PCSK2: variants seen among roughly 807,000 people sequenced by gnomAD.
PCSK2 encodes the protein neuroendocrine convertase 2.
In PCSK2, 14 loss-of-function variants were observed where a neutral mutation model predicts 69.7. That is an observed-to-expected ratio of 0.20 (90% CI 0.13 to 0.31). The LOEUF (loss-of-function observed/expected upper bound fraction) is 0.31. Ranked by LOEUF, PCSK2 falls within the 10% of genes least tolerant of loss-of-function variation. The probability of loss-of-function intolerance (pLI) is 1.00; values close to 1 mark genes in which losing one functional copy is unlikely to be tolerated. For synonymous variants in PCSK2, 307 were observed against 320.7 expected (o/e 0.96, Z 0.46); for missense variants, 544 against 842.5 (o/e 0.65, Z 4.39).
chr20:17,460,733 C>T (rs1052176408), intron 10 of PCSK2, among the ~76,000 whole-genome samples: 21 of 152,094 alleles, frequency 1.4e-4, no homozygotes, highest in Non-Finnish European at 2.4e-4. Context: ...AGCTGAAAAA[C>T]GTTCATTTAC....
chr20:17,326,880 G>A (rs529605356), intron 2 of PCSK2, among the ~76,000 whole-genome samples: 6 of 152,246 alleles, frequency 3.9e-5, no homozygotes, highest in Admixed American at 2.6e-4. Flanking sequence ...TCTTCAATCC[G>A]GGGGAGGCCA....
At chr20:17,264,359 T>C (rs2123007631) in intron 2 of PCSK2, among the ~76,000 whole-genome samples, 1 of 152,354 alleles carries the variant, frequency 6.6e-6, no homozygotes, top group Middle Eastern at 3.4e-3. Context: ...TAAACATGTT[T>C]CAGTTTTACA....
At chr20:17,460,843 C>A (rs1157460564) in intron 10 of PCSK2, among the ~76,000 whole-genome samples, 1 of 152,110 alleles carries the variant, frequency 6.6e-6, no homozygotes, top group Non-Finnish European at 1.5e-5. Context: ...ATAATAAAGT[C>A]TTTTTATTCA....
chr20:17,348,894 A>C (rs778190123), intron 2 of PCSK2, among the ~76,000 whole-genome samples: 41 of 152,180 alleles, frequency 2.7e-4, no homozygotes, highest in Non-Finnish European at 5.0e-4. Flanking sequence ...TAAGGACTTC[A>C]ACATTTGAAC....
chr20:17,237,339 C>G (rs1986381337), intron 1 of PCSK2, among the ~76,000 whole-genome samples: 1 of 152,152 alleles, frequency 6.6e-6, no homozygotes, highest in Non-Finnish European at 1.5e-5. Context: ...AGGATTTGTT[C>G]ACATACACCT....
chr20:17,326,059 C>G lies in PCSK2; in HGVS notation c.283-32268C>G, dbSNP rs144581237. ...CCTAAGCTTAGTCATGGCCCACTATCTCTTCTGCCCCCATGCCATTAGCCA... is the reference window on the plus strand; with the variant it reads ...CCTAAGCTTAGTCATGGCCCACTATGTCTTCTGCCCCCATGCCATTAGCCA... On this transcript the variant is annotated intron_variant, in intron 2 of 11. Coordinates refer to ENST00000262545, the MANE Select transcript of PCSK2 (RefSeq NM_002594.5). Among the ~76,000 whole-genome samples, 330 of 152,390 alleles carry G rather than the reference C, an allele frequency of 2.2e-3. 3 individuals carry two copies. Among genetic ancestry groups the G allele is most frequent in the African/African-American group, 7.6e-3 (318 of 41,592 alleles).
intron 5 of PCSK2, among the ~76,000 whole-genome samples, chr20:17,372,174 T>C (rs945104937): frequency 2.0e-5 from 3 of 152,134 alleles, no homozygotes; most frequent in Admixed American, 1.3e-4. Context: ...GGTCAGGAGA[T>C]TGAGACCATA....
At chr20:17,427,901 G>A (rs1487156749) in intron 6 of PCSK2, among the ~76,000 whole-genome samples, 2 of 152,302 alleles carry the variant, frequency 1.3e-5, no homozygotes, top group East Asian at 3.9e-4. Flanking sequence ...AAGCAGAAAA[G>A]CCACATGGTC....
intron 2 of PCSK2, among the ~76,000 whole-genome samples, chr20:17,263,580 T>C (rs866878579): frequency 6.6e-6 from 1 of 152,264 alleles, no homozygotes; most frequent in African/African-American, 2.4e-5. Flanking sequence ...TCTCATTTTA[T>C]ATTTTCCTCC....
intron 2 of PCSK2, among the ~76,000 whole-genome samples, chr20:17,280,031 C>G (rs1988247174): frequency 6.7e-6 from 1 of 148,850 alleles, no homozygotes; most frequent in African/African-American, 2.5e-5. Context: ...AAGCTTATAT[C>G]CTCCGCAGAA....
chr20:17,311,381 T>G (rs1035010065), intron 2 of PCSK2, among the ~76,000 whole-genome samples: 3 of 152,140 alleles, frequency 2.0e-5, no homozygotes, highest in African/African-American at 7.2e-5. Context: ...ATGAATATAT[T>G]TCTTTAAAAA....
intron 5 of PCSK2, among the ~76,000 whole-genome samples, chr20:17,402,019 T>C (rs1316442888): frequency 2.6e-5 from 4 of 152,172 alleles, no homozygotes; most frequent in Non-Finnish European, 2.9e-5. Context: ...TCTAGCCTAA[T>C]ACATGCTTCA....
At chr20:17,290,230 C>T (rs1332441504) in intron 2 of PCSK2, among the ~76,000 whole-genome samples, 1 of 152,166 alleles carries the variant, frequency 6.6e-6, no homozygotes, top group East Asian at 1.9e-4. Context: ...CACTGCCTGG[C>T]ACACAGTAGG....
In PCSK2 at chr20:17,438,908, T is replaced by C. The variant is rs796687440; in HGVS notation, c.885+2025T>C. Among the ~76,000 whole-genome samples the C allele has an allele frequency of 3.3e-5, 5 of 152,168 alleles. No homozygotes were observed. In the East Asian group the frequency reaches 7.7e-4, roughly 23 times the overall value. ...TACATAGTTTTGGAGTTCCTTCCCC[T>C]CTGTATCTTACTTCACTTCCTTGCT... On this transcript the variant is annotated intron_variant, in intron 8 of 11. Coordinates refer to ENST00000262545, the MANE Select transcript of PCSK2 (RefSeq NM_002594.5).
chr20:17,265,604 G>T (rs1987567748), intron 2 of PCSK2, among the ~76,000 whole-genome samples: 1 of 152,084 alleles, frequency 6.6e-6, no homozygotes, highest in Non-Finnish European at 1.5e-5. Flanking sequence ...ATTCTACAGG[G>T]CATTTGTGGC....
intron 2 of PCSK2, among the ~76,000 whole-genome samples, chr20:17,334,157 G>A (rs1342674999): frequency 6.6e-6 from 1 of 151,824 alleles, no homozygotes; most frequent in African/African-American, 2.4e-5. Context: ...TGAAAGAGCA[G>A]TGGAGTGGGC....
At chr20:17,342,168 A>G (rs553100509) in intron 2 of PCSK2, among the ~76,000 whole-genome samples, 1 of 146,248 alleles carries the variant, frequency 6.8e-6, no homozygotes, top group East Asian at 2.6e-4. Context: ...CAAATTACAC[A>G]TACACACACA....
At position 17,409,298 on chromosome 20, in the gene PCSK2, C is replaced by A. The variant is rs1193248168; in HGVS notation, c.579C>A (p.Asp193Glu). 1.2e-6 allele frequency: 2 copies of A among 1,613,946 alleles called. No individual in the cohort carries two copies. The change falls in exon 6 of 12, where the codon GAC becomes GAA. Residue 193 changes from aspartate (D) to glutamate (E), a missense_variant. By Grantham distance (45) the Asp-to-Glu change is conservative. Transcript: ENST00000262545. ...AEASYDFSSN[D>E]PYPYPRYTDD... The stretch of plus-strand genomic sequence containing the variant: ...CAAGTTACGACTTCAGCAGCAACGA[C>A]CCCTATCCTTACCCTCGGTACACAG...
At chr20:17,307,490 G>A (rs1989362864) in intron 2 of PCSK2, among the ~76,000 whole-genome samples, 1 of 152,194 alleles carries the variant, frequency 6.6e-6, no homozygotes, top group South Asian at 2.1e-4. Flanking sequence ...AAGAGAAGCA[G>A]CCTGAGAGAT....
Sources: gnomAD v4.1 joint callset for allele counts (sites outside exome capture counted in the v4.1 genomes callset) on GRCh38, gnomAD v4.1.1 for gene constraint, MANE v1.5 for transcripts, NCBI Gene and HGNC (gene_info 2026-07-23, HGNC 2026-07-21) for gene names.